Variants in SSBP3 observed in about 807,000 individuals in gnomAD.
The protein encoded by SSBP3 is single-stranded DNA-binding protein 3.
In SSBP3, 5 loss-of-function variants were observed where a neutral mutation model predicts 69.6. The observed-to-expected ratio is 0.07, with a 90% confidence interval of 0.04 to 0.15. The LOEUF is 0.15. Among genes scored for constraint, SSBP3 ranks in the 10% least tolerant of loss-of-function variants. SSBP3 has a pLI of 1.00. For missense variants in SSBP3, 312 were observed against 534.0 expected (o/e 0.58, Z 4.10); for synonymous variants, 196 against 193.4 (o/e 1.01, Z -0.11).
chr1:54,330,591 T>G (rs986352656), intron 4 of SSBP3, among the ~76,000 whole-genome samples: 8 of 152,222 alleles, frequency 5.3e-5, no homozygotes, highest in Non-Finnish European at 8.8e-5. Context: ...AGGTTCCTCA[T>G]GCACATCCCT....
intron 5 of SSBP3, among the ~76,000 whole-genome samples, chr1:54,261,223 A>G (rs545048508): frequency 1.0e-3 from 154 of 152,388 alleles, no homozygotes; most frequent in African/African-American, 3.6e-3. Context: ...TGCTTCTGCA[A>G]GGAACATGAC....
intron 9 of SSBP3, among the ~76,000 whole-genome samples, chr1:54,247,412 G>A (rs752016759): frequency 2.3e-4 from 35 of 152,202 alleles, no homozygotes; most frequent in South Asian, 4.1e-4. Context: ...GCCATCTCAT[G>A]CAGGACCACC....
chr1:54,379,198 G>C (rs759348540), intron 4 of SSBP3, among the ~76,000 whole-genome samples: 2 of 152,222 alleles, frequency 1.3e-5, no homozygotes, highest in Non-Finnish European at 2.9e-5. Flanking sequence ...ACGCAGGAGC[G>C]ACATGCGGGT....
At chr1:54,411,455 GCGACAGAACAATACT>G in intron 1 of SSBP3, among the ~76,000 whole-genome samples, 1 of 149,312 alleles carries the variant, frequency 6.7e-6, no homozygotes, top group Non-Finnish European at 1.5e-5. Context: ...TCCATCATGA[GCGACAGAACAATACT>G]CTGTCTTGAA....
chr1:54,400,014 C>A (rs566451311), intron 4 of SSBP3, among the ~76,000 whole-genome samples: 2 of 152,232 alleles, frequency 1.3e-5, no homozygotes, highest in Admixed American at 6.5e-5. Context: ...ATTAGGGTGA[C>A]CTCATCTCTT....
At chr1:54,240,419 T>C (rs974248700) in intron 13 of SSBP3, among the ~76,000 whole-genome samples, 6 of 130,842 alleles carry the variant, frequency 4.6e-5, no homozygotes, top group South Asian at 5.0e-4. Context: ...GATTACGCCA[T>C]TGCACTCCAG....
chr1:54,316,659 A>AAAAT (rs1646109138), intron 4 of SSBP3, among the ~76,000 whole-genome samples: 1 of 66,296 alleles, frequency 1.5e-5, no homozygotes, highest in Admixed American at 1.6e-4. Flanking sequence ...AAAAAAAAAA[A>AAAAT]TAAAATAAAT....
At chr1:54,257,354 G>T (rs1176831561) in intron 6 of SSBP3, 168 bp from the exon 7 acceptor site, 4 of 558,416 alleles carry the variant, frequency 7.2e-6, no homozygotes, top group Admixed American at 4.1e-5. Flanking sequence ...TGGGCAGAGG[G>T]AACAATAGAT....
intron 4 of SSBP3, among the ~76,000 whole-genome samples, chr1:54,342,634 T>A (rs925495147): frequency 7.9e-5 from 12 of 151,376 alleles, no homozygotes; most frequent in African/African-American, 2.9e-4. Flanking sequence ...CACTGGGCAA[T>A]CTAAAAACCC....
At chr1:54,412,130 A>G (rs1650011276) in intron 1 of SSBP3, among the ~76,000 whole-genome samples, 3 of 152,012 alleles carry the variant, frequency 2.0e-5, no homozygotes, top group Admixed American at 1.3e-4. Flanking sequence ...CCTCCAGGTC[A>G]AATCACCAGA....
chr1:54,358,292 G>A (rs1646899406), intron 4 of SSBP3, among the ~76,000 whole-genome samples: 1 of 152,184 alleles, frequency 6.6e-6, no homozygotes, highest in African/African-American at 2.4e-5. Context: ...TCTACCTTGT[G>A]TGCAACAGAC....
chr1:54,361,791 C>A (rs1569936062), intron 4 of SSBP3, among the ~76,000 whole-genome samples: 1 of 152,090 alleles, frequency 6.6e-6, no homozygotes, highest in South Asian at 2.1e-4. Context: ...ATACACTCAA[C>A]CTCCCCACCA....
chr1:54,404,426 G>T, intron 3 of SSBP3, 150 bp downstream of exon 3: 2 of 856,988 alleles, frequency 2.3e-6, no homozygotes, highest in Non-Finnish European at 3.7e-6. Flanking sequence ...TCCTTGGCCA[G>T]CTGGGCCGGA....
intron 4 of SSBP3, among the ~76,000 whole-genome samples, chr1:54,365,274 T>C (rs987654681): frequency 1.2e-4 from 19 of 152,276 alleles, no homozygotes; most frequent in African/African-American, 4.6e-4. Flanking sequence ...CGAAAGGCCC[T>C]TGGCAGCCAC....
chr1:54,246,645 C>T (rs748855962), intron 9 of SSBP3, among the ~76,000 whole-genome samples: 2 of 152,218 alleles, frequency 1.3e-5, no homozygotes, highest in Non-Finnish European at 2.9e-5. Flanking sequence ...CTCCAAGAAC[C>T]GGCATGGCAG....
rs569693101 is a variant in SSBP3 at position 54,259,472 on chromosome 1, G to A, written c.367-1323C>T. On this transcript the variant is annotated intron_variant, in intron 5 of 17. Transcript: ENST00000610401. ...GGAAGCACGTTCCAGCCCACCCAGC[G>A]TGGGATGCTGATGCCAGGGATGAGG... Among the ~76,000 whole-genome samples, 14 of 152,346 alleles carry A rather than the reference G, an allele frequency of 9.2e-5. No individual in the cohort carries two copies. In the East Asian group the frequency reaches 9.6e-4, roughly 10 times the overall value.
chr1:54,361,994 G>A (rs80246712), intron 4 of SSBP3, among the ~76,000 whole-genome samples: 2 of 152,312 alleles, frequency 1.3e-5, no homozygotes, highest in Non-Finnish European at 2.9e-5. Context: ...AAAAGTTCAG[G>A]AAGGAGAGGT....
chr1:54,365,631 G>T (rs1471983784), intron 4 of SSBP3, among the ~76,000 whole-genome samples: 1 of 152,066 alleles, frequency 6.6e-6, no homozygotes, highest in Admixed American at 6.5e-5. Context: ...TCAGATATTG[G>T]TGATCCTAGG....
intron 4 of SSBP3, among the ~76,000 whole-genome samples, chr1:54,282,157 A>C (rs1430644065): frequency 1.3e-5 from 2 of 152,228 alleles, no homozygotes; most frequent in African/African-American, 4.8e-5. Context: ...CCTGCGGTGC[A>C]GAGCAGGGGT....
Sources: allele counts gnomAD v4.1 joint callset (sites outside exome capture counted in the v4.1 genomes callset), GRCh38; gene constraint gnomAD v4.1.1; transcripts MANE v1.5; gene names NCBI Gene and HGNC (gene_info 2026-07-23, HGNC 2026-07-21).